TNIK: variants seen among roughly 807,000 people sequenced by gnomAD.
TNIK encodes the protein TRAF2 and NCK-interacting protein kinase.
Under a neutral mutation model 191.3 loss-of-function variants are expected in TNIK, and 49 were observed. That is an observed-to-expected ratio of 0.26 (90% CI 0.20 to 0.32). The LOEUF is 0.32. Ranked by LOEUF, TNIK falls within the 10% of genes least tolerant of loss-of-function variation. The pLI is 1.00. For missense variants in TNIK, 1,155 were observed against 1,702.3 expected, an observed-to-expected ratio of 0.68 and a Z score of 5.66; for synonymous variants, 594 against 600.9, an observed-to-expected ratio of 0.99 and a Z score of 0.17.
At chr3:171,172,178 T>G (rs11719447) in intron 9 of TNIK, among the ~76,000 whole-genome samples, 79,348 of 152,078 alleles carry the variant, frequency 0.52, 22,191 homozygotes, top group East Asian at 0.87. Context: ...AGTTTATGCC[T>G]TGTATGTTGT....
intron 3 of TNIK, 38 bp downstream of exon 3, chr3:171,228,127 C>G: frequency 6.2e-7 from 1 of 1,610,962 alleles, no homozygotes; most frequent in Non-Finnish European, 8.5e-7. Context: ...CAAGGAGCAT[C>G]TGCATGGCTA....
At position 171,390,843 on chromosome 3, in the gene TNIK, T is replaced by C. The variant is rs531426703; in HGVS notation, c.58-21158A>G. ...TCCAGCAGTTCTTAACCTGTGCCCATGGATGTTGTGAACCTGCTAAAACTA... is the reference window on the plus strand; with the variant it reads ...TCCAGCAGTTCTTAACCTGTGCCCACGGATGTTGTGAACCTGCTAAAACTA... On this transcript the variant is annotated intron_variant, in intron 1 of 32. Coordinates refer to ENST00000436636, the MANE Select transcript of TNIK (RefSeq NM_015028.4). 1.0e-3 allele frequency among the ~76,000 whole-genome samples: 159 copies of C among 152,348 alleles called. 2 individuals are homozygous for C. The highest frequency in any genetic ancestry group is 3.5e-3 in the African/African-American group (145 of 41,586).
chr3:171,304,195 G>C (rs1337271137), intron 2 of TNIK, among the ~76,000 whole-genome samples: 5 of 152,150 alleles, frequency 3.3e-5, no homozygotes, highest in Admixed American at 2.0e-4. Context: ...CCTGCTGCTA[G>C]GTCAGCAGGT....
intron 3 of TNIK, among the ~76,000 whole-genome samples, chr3:171,214,125 A>G (rs1741181796): frequency 6.6e-6 from 1 of 151,938 alleles, no homozygotes; most frequent in Non-Finnish European, 1.5e-5. Context: ...GTCAGCATGC[A>G]ATTTAGCAGG....
At chr3:171,375,908 C>T (rs1057223141) in intron 1 of TNIK, among the ~76,000 whole-genome samples, 34 of 152,252 alleles carry the variant, frequency 2.2e-4, no homozygotes, top group East Asian at 9.6e-4. Flanking sequence ...CGTTCTGTGA[C>T]AGAATCTTTT....
At chr3:171,389,624 A>ATC (rs1422112504) in intron 1 of TNIK, among the ~76,000 whole-genome samples, 3 of 152,308 alleles carry the variant, frequency 2.0e-5, no homozygotes, top group Admixed American at 2.0e-4. Context: ...TTAACGGAAC[A>ATC]TAGAGTAGCC....
chr3:171,092,916 G>C (rs1317705933), intron 23 of TNIK, among the ~76,000 whole-genome samples: 3 of 152,178 alleles, frequency 2.0e-5, no homozygotes, highest in Admixed American at 6.5e-5. Context: ...GTGATAACAA[G>C]TAAAAGGAGA....
chr3:171,384,861 A>G (rs1718525529), intron 1 of TNIK, among the ~76,000 whole-genome samples: 1 of 152,242 alleles, frequency 6.6e-6, no homozygotes, highest in Non-Finnish European at 1.5e-5. Flanking sequence ...GGCCACTAAT[A>G]TTTTTTAGCC....
chr3:171,288,123 T>A (rs1751226969), intron 2 of TNIK, among the ~76,000 whole-genome samples: 1 of 123,724 alleles, frequency 8.1e-6, no homozygotes, highest in Non-Finnish European at 1.6e-5. Context: ...AACAATGAGA[T>A]CACATGGACA....
At chr3:171,099,968 CCAACTAG>C (rs1723236821) in intron 22 of TNIK, among the ~76,000 whole-genome samples, 1 of 152,180 alleles carries the variant, frequency 6.6e-6, no homozygotes, top group African/African-American at 2.4e-5. Context: ...TTGTCATTCT[CCAACTAG>C]CATATAAACT....
intron 2 of TNIK, among the ~76,000 whole-genome samples, chr3:171,240,233 T>C (rs1744784066): frequency 6.6e-6 from 1 of 152,142 alleles, no homozygotes; most frequent in African/African-American, 2.4e-5. Flanking sequence ...CTCTTGGAAA[T>C]CTTCTCTTCT....
chr3:171,095,556 T>C (rs752584271), intron 22 of TNIK, among the ~76,000 whole-genome samples: 3 of 152,254 alleles, frequency 2.0e-5, no homozygotes, highest in Non-Finnish European at 2.9e-5. Flanking sequence ...TTGTTTCTTA[T>C]ATATTTAAAA....
At chr3:171,339,861 C>T (rs919821769) in intron 2 of TNIK, among the ~76,000 whole-genome samples, 1 of 152,200 alleles carries the variant, frequency 6.6e-6, no homozygotes, top group Non-Finnish European at 1.5e-5. Flanking sequence ...TACACCAGCT[C>T]ATGGGCCGGT....
intron 3 of TNIK, among the ~76,000 whole-genome samples, chr3:171,217,804 G>GT (rs1437627007): frequency 3.3e-5 from 5 of 152,104 alleles, no homozygotes; most frequent in Non-Finnish European, 5.9e-5. Context: ...TTTAAGCTGA[G>GT]TTTTTAAGGC....
intron 26 of TNIK, 83 bp downstream of exon 26, chr3:171,084,063 TGATGACAAG>T (rs1478095152): frequency 7.1e-7 from 1 of 1,408,082 alleles, no homozygotes; most frequent in Non-Finnish European, 9.3e-7. Context: ...AGTGTTCTTT[TGATGACAAG>T]ATCCACAGGC....
intron 3 of TNIK, among the ~76,000 whole-genome samples, chr3:171,217,545 C>CA (rs1403081236): frequency 6.6e-6 from 1 of 151,654 alleles, no homozygotes; most frequent in Non-Finnish European, 1.5e-5. Context: ...TCTAAAATAA[C>CA]AGTTGCAAAA....
chr3:171,194,683 T>C (rs1178931029), intron 4 of TNIK, 48 bp from the exon 5 acceptor site: 2 of 1,546,768 alleles, frequency 1.3e-6, no homozygotes, highest in South Asian at 2.3e-5. Context: ...GCTTCACTGC[T>C]TCCATTAAGT....
intron 1 of TNIK, among the ~76,000 whole-genome samples, chr3:171,444,573 C>T (rs1233426640): frequency 7.9e-6 from 1 of 126,664 alleles, no homozygotes; most frequent in Non-Finnish European, 1.7e-5. Flanking sequence ...AATAAACTTG[C>T]TAAAAAAAAA....
chr3:171,117,737 G>A (rs911285302), intron 18 of TNIK, among the ~76,000 whole-genome samples: 2 of 152,120 alleles, frequency 1.3e-5, no homozygotes, highest in Admixed American at 6.5e-5. Flanking sequence ...TTGGGAGGCC[G>A]AGACAGGTGG....
Sources: allele counts gnomAD v4.1 joint callset (sites outside exome capture counted in the v4.1 genomes callset), GRCh38; gene constraint gnomAD v4.1.1; transcripts MANE v1.5; gene names NCBI Gene and HGNC (gene_info 2026-07-23, HGNC 2026-07-21).